The following RAE1 variants were observed in gnomAD, a reference collection of about 807,000 sequenced individuals.
RAE1 encodes the protein mRNA export factor RAE1.
Under a neutral mutation model 52.7 loss-of-function variants are expected in RAE1, and 13 were observed. The ratio of observed to expected loss-of-function variants is 0.25; its 90% confidence interval spans 0.16 to 0.39. RAE1 has a LOEUF of 0.39. Among genes scored for constraint, RAE1 ranks in the 10% least tolerant of loss-of-function variants. The pLI is 1.00. For missense variants in RAE1, 262 were observed against 459.8 expected, an observed-to-expected ratio of 0.57 and a Z score of 3.93; for synonymous variants, 164 against 153.1, an observed-to-expected ratio of 1.07 and a Z score of -0.52.
chr20:57,366,403 GGAATCC>G (rs1431735137), intron 5 of RAE1, among the ~76,000 whole-genome samples: 1 of 152,136 alleles, frequency 6.6e-6, no homozygotes. Context: ...CGGCTTCTGG[GGAATCC>G]CAAGGGAGCA....
intron 1 of RAE1, 77 bp downstream of exon 1, chr20:57,351,499 C>T (rs889817588): frequency 8.1e-6 from 8 of 985,330 alleles, no homozygotes; most frequent in Non-Finnish European, 9.6e-6. Context: ...CTCCCGGGAG[C>T]GCGCTTCTGC....
intron 8 of RAE1, among the ~76,000 whole-genome samples, chr20:57,370,877 T>A (rs2067026139): frequency 1.3e-5 from 2 of 152,208 alleles, no homozygotes; most frequent in Non-Finnish European, 2.9e-5. Context: ...GAGTGAACAT[T>A]TGATCTGAAC....
At chr20:57,366,768 C>A (rs142280488) in intron 5 of RAE1, 39 bp from the exon 6 acceptor site, 2 of 1,536,660 alleles carry the variant, frequency 1.3e-6, no homozygotes, top group South Asian at 1.1e-5. Context: ...CACATTCTTA[C>A]ATTTACCTTG....
At chr20:57,370,022 G>A (rs551616244) in intron 8 of RAE1, among the ~76,000 whole-genome samples, 2 of 152,170 alleles carry the variant, frequency 1.3e-5, no homozygotes, top group Admixed American at 6.5e-5. Flanking sequence ...CTCTCCTGCC[G>A]CGTAGTACTT....
At chr20:57,358,667 T>C (rs2066837332) in intron 4 of RAE1, 1 of 232,202 alleles carries the variant, frequency 4.3e-6, no homozygotes, top group Non-Finnish European at 8.3e-6. Context: ...GGCTACACCA[T>C]TAGGATGTCC....
intron 4 of RAE1, among the ~76,000 whole-genome samples, chr20:57,362,609 C>T (rs764991460): frequency 1.4e-4 from 22 of 151,962 alleles, no homozygotes; most frequent in Non-Finnish European, 2.4e-4. Flanking sequence ...ATTTATAAAA[C>T]GGAATCTAAG....
chr20:57,373,396 T>TA (rs758216724), intron 8 of RAE1, 79 bp from the exon 9 acceptor site: 16 of 1,395,222 alleles, frequency 1.1e-5, no homozygotes, highest in Non-Finnish European at 1.5e-5. Context: ...AAACATGGGG[T>TA]AAAAATGACT....
At chr20:57,368,068 T>C (rs1325827894) in intron 7 of RAE1, among the ~76,000 whole-genome samples, 1 of 152,174 alleles carries the variant, frequency 6.6e-6, no homozygotes, top group African/African-American at 2.4e-5. Context: ...TTTATACTTT[T>C]AGTAGAGACG....
In RAE1 at chr20:57,354,780, G is replaced by A. The variant is rs140939345; in HGVS notation, c.159G>A (p.Pro53=). Residue 53 remains proline, a synonymous_variant, in exon 3 of 12, where the codon CCG becomes CCA. Coordinates refer to ENST00000395841, the MANE Select transcript of RAE1 (RefSeq NM_003610.4). ...TGTCTTTTAGCCCACCAACCTTGCC[G>A]GGGAACTTTCTTATTGCAGGATCAT... ...GCLSFSPPTL[P]GNFLIAGSWA... 4.1e-5 allele frequency: 65 copies of A among 1,604,134 alleles called. No homozygotes were observed. Among genetic ancestry groups the A allele is most frequent in the Non-Finnish European group, 4.8e-5 (57 of 1,175,870 alleles).
intron 4 of RAE1, among the ~76,000 whole-genome samples, chr20:57,364,048 C>T (rs918192081): frequency 1.3e-5 from 2 of 152,176 alleles, no homozygotes; most frequent in African/African-American, 2.4e-5. Context: ...TGGAGCTTTA[C>T]AGGAAGAGTC....
intron 11 of RAE1, among the ~76,000 whole-genome samples, chr20:57,375,576 C>CCCGTCCA (rs11471601): frequency 0.038 from 5,752 of 152,194 alleles, 150 homozygotes; most frequent in African/African-American, 0.082. Context: ...GTCTTCTGTC[C>CCCGTCCA]CCGTCCACCA....
At chr20:57,362,996 A>G (rs993182504) in intron 4 of RAE1, among the ~76,000 whole-genome samples, 1 of 152,108 alleles carries the variant, frequency 6.6e-6, no homozygotes, top group African/African-American at 2.4e-5. Context: ...GCCGAGACTG[A>G]TCACAAACTG....
Position 57,354,807 on chromosome 20 carries a change from G to A in RAE1, c.186G>A (p.Trp62Ter). 1 of 1,595,698 alleles carries A rather than the reference G, an allele frequency of 6.3e-7. No individual in the cohort carries two copies. Among genetic ancestry groups the A allele is most frequent in the Non-Finnish European group, 8.5e-7 (1 of 1,171,660 alleles). ...LPGNFLIAGS[W>*]ANDVRCWEVQ... ...GGAACTTTCTTATTGCAGGATCATG[G>A]GCTAATGATGTAAGTGCTCCTTAAA... Residue 62 changes from tryptophan (W) to a stop codon, truncating the protein, a stop_gained, in exon 3 of 12, where the codon TGG (tryptophan) becomes TGA (stop). Transcript: ENST00000395841. LOFTEE classifies it high-confidence loss of function.
intron 4 of RAE1, among the ~76,000 whole-genome samples, chr20:57,364,122 C>A (rs1160846502): frequency 6.6e-6 from 1 of 152,198 alleles, no homozygotes; most frequent in African/African-American, 2.4e-5. Flanking sequence ...CCCAAAGTTA[C>A]CTTGGAGGCA....
chr20:57,367,432 T>G (rs553736249), intron 7 of RAE1, among the ~76,000 whole-genome samples: 4 of 152,256 alleles, frequency 2.6e-5, no homozygotes, highest in African/African-American at 9.6e-5. Flanking sequence ...GGGGACTGTT[T>G]CTGAGTGGGA....
chr20:57,351,472 C>T lies in RAE1; in HGVS notation c.-8+50C>T, dbSNP rs554765112. The T allele has an allele frequency of 5.8e-4, 572 of 985,472 alleles. 1 individual carries two copies. Among genetic ancestry groups the T allele is most frequent in the Admixed American group, 1.1e-3 (18 of 16,294 alleles). 61.0% of individuals were successfully genotyped at this position (985,472 alleles called of 1,614,324 possible). A position where few individuals can be genotyped will look rare whatever the true frequency, so the allele number is the denominator to read the frequency against. On this transcript the variant is annotated intron_variant, in intron 1 of 11. Coordinates refer to ENST00000395841, the MANE Select transcript of RAE1 (RefSeq NM_003610.4). ...CGTCGTTAACCGCCGCCATGGCTCC[C>T]GCAGAGGCCGAGTTGCCTCCCGGGA... is the stretch of plus-strand genomic sequence containing the variant.
chr20:57,356,608 C>G, intron 4 of RAE1, 70 bp downstream of exon 4: 2 of 1,364,164 alleles, frequency 1.5e-6, no homozygotes, highest in South Asian at 2.5e-5. Context: ...ATTTAATAAT[C>G]CAAACACAAA....
At chr20:57,361,919 G>C (rs1217479566) in intron 4 of RAE1, among the ~76,000 whole-genome samples, 2 of 152,382 alleles carry the variant, frequency 1.3e-5, no homozygotes, top group East Asian at 3.9e-4. Context: ...GAGGTGAATG[G>C]TGGGCCAGTG....
intron 7 of RAE1, among the ~76,000 whole-genome samples, chr20:57,367,454 C>A (rs2066972224): frequency 6.6e-6 from 1 of 151,918 alleles, no homozygotes; most frequent in Admixed American, 6.6e-5. Flanking sequence ...AGAAATTGAA[C>A]TTTCTCGGCC....
Sources: gnomAD v4.1 joint callset for allele counts (sites outside exome capture counted in the v4.1 genomes callset) on GRCh38, gnomAD v4.1.1 for gene constraint, MANE v1.5 for transcripts, NCBI Gene and HGNC (gene_info 2026-07-23, HGNC 2026-07-21) for gene names.